MBD5: variants seen among roughly 807,000 people sequenced by gnomAD.
MBD5 encodes the protein methyl-CpG binding domain protein 5, also known as methyl-CpG-binding domain protein 5.
In MBD5, 13 loss-of-function variants were observed where a neutral mutation model predicts 117.3. The ratio of observed to expected loss-of-function variants is 0.11; its 90% CI spans 0.07 to 0.18. MBD5 has a LOEUF of 0.18. Among genes scored for constraint, MBD5 ranks in the 10% least tolerant of loss-of-function variants. The pLI, the probability that MBD5 is intolerant of heterozygous loss-of-function variation, is 1.00. For missense variants in MBD5, 1,879 were observed against 2,093.8 expected, an observed-to-expected ratio of 0.90 and a Z score of 2.00; for synonymous variants, 727 against 766.4, an observed-to-expected ratio of 0.95 and a Z score of 0.85.
At chr2:148,318,633 T>G (rs1702211567) in intron 3 of MBD5, among the ~76,000 whole-genome samples, 1 of 152,196 alleles carries the variant, frequency 6.6e-6, no homozygotes, top group Non-Finnish European at 1.5e-5. Flanking sequence ...TTAATTTTTG[T>G]ATATGGTGAT....
chr2:148,341,261 T>C (rs1220490217), intron 3 of MBD5, among the ~76,000 whole-genome samples: 1 of 152,038 alleles, frequency 6.6e-6, no homozygotes, highest in Admixed American at 6.6e-5. Flanking sequence ...GTGTTTTGTA[T>C]GTGTGTGCAT....
intron 7 of MBD5, among the ~76,000 whole-genome samples, chr2:148,465,005 A>G (rs1707215997): frequency 6.6e-6 from 1 of 151,962 alleles, no homozygotes; most frequent in Non-Finnish European, 1.5e-5. Context: ...CTTTTTAAAG[A>G]TTCACATTGC....
chr2:148,372,994 C>A (rs1322832683), intron 4 of MBD5, among the ~76,000 whole-genome samples: 2 of 151,998 alleles, frequency 1.3e-5, no homozygotes, highest in African/African-American at 4.8e-5. Flanking sequence ...ATAATAAAGA[C>A]CTACATCTTT....
intron 10 of MBD5, among the ~76,000 whole-genome samples, 183 bp from the exon 11 acceptor site, chr2:148,489,203 A>T (rs544659064): frequency 6.6e-5 from 10 of 152,368 alleles, no homozygotes; most frequent in Admixed American, 2.0e-4. Flanking sequence ...TGCAAATATA[A>T]TCAAGACATA....
rs576623082 is a variant in MBD5, at chr2:148,225,503, A to C, written c.-830-7742A>C. Among the ~76,000 whole-genome samples, 4 of 152,142 alleles carry C rather than the reference A, an allele frequency of 2.6e-5. 1 individual carries two copies. The South Asian group carries it at 8.3e-4, about 31-fold the overall frequency. On this transcript the variant is annotated intron_variant, in intron 2 of 13. Transcript: ENST00000642680. Reference sequence around the variant, plus strand: ...TAGGAGTAGTCTACACACCACAGTTACAGTGTTATAATATTCTGTGTTTTC... The same window carrying C: ...TAGGAGTAGTCTACACACCACAGTTCCAGTGTTATAATATTCTGTGTTTTC...
intron 4 of MBD5, among the ~76,000 whole-genome samples, chr2:148,398,724 G>A (rs1472225785): frequency 6.6e-6 from 1 of 152,140 alleles, no homozygotes; most frequent in Non-Finnish European, 1.5e-5. Context: ...GGAAGTCCTT[G>A]CCCATGTCTA....
chr2:148,029,518 T>G (rs1693981071), intron 1 of MBD5, among the ~76,000 whole-genome samples: 1 of 152,216 alleles, frequency 6.6e-6, no homozygotes, highest in Non-Finnish European at 1.5e-5. Context: ...GATTCTAATT[T>G]AACATATCGC....
chr2:148,238,059 T>G (rs776824272), intron 3 of MBD5, among the ~76,000 whole-genome samples: 1 of 152,192 alleles, frequency 6.6e-6, no homozygotes, highest in South Asian at 2.1e-4. Context: ...GTTATCCCAC[T>G]CTGCAAAATA....
intron 1 of MBD5, among the ~76,000 whole-genome samples, chr2:148,057,258 C>T (rs895031002): frequency 3.2e-4 from 48 of 151,658 alleles, no homozygotes; most frequent in Non-Finnish European, 4.7e-4. Flanking sequence ...TTGCTTTATT[C>T]ATTATGTATT....
At chr2:148,142,853 T>G (rs1462818808) in intron 1 of MBD5, among the ~76,000 whole-genome samples, 1 of 152,138 alleles carries the variant, frequency 6.6e-6, no homozygotes, top group Non-Finnish European at 1.5e-5. Flanking sequence ...TTGTACTAAG[T>G]ACATATAAAA....
rs568810319 is a variant in MBD5, at chr2:148,021,194, T to A, written c.-1415T>A. 4.5e-6 allele frequency: 1 copy of A among 223,286 alleles called. No homozygotes were observed. Among genetic ancestry groups the A allele is most frequent in the East Asian group, 1.3e-4 (1 of 7,586 alleles). The allele number at this position is 223,286 out of a possible 1,614,324, so 13.8% of individuals were successfully genotyped here. ...TATTTTTAAAGGGACAGGACACTAA[T>A]TCTACCCCACTTCAACCTTGAATTC... On this transcript the variant is annotated 5_prime_UTR_variant, in exon 1 of 14. Coordinates refer to ENST00000642680, the MANE Select transcript of MBD5 (RefSeq NM_001378120.1).
chr2:148,274,209 C>T (rs186483776), intron 3 of MBD5, among the ~76,000 whole-genome samples: 422 of 152,142 alleles, frequency 2.8e-3, no homozygotes, highest in Non-Finnish European at 3.1e-3. Flanking sequence ...TCCTCACCCC[C>T]GACACCACCA....
intron 3 of MBD5, among the ~76,000 whole-genome samples, chr2:148,310,274 C>T (rs1701997737): frequency 6.6e-6 from 1 of 152,024 alleles, no homozygotes; most frequent in Non-Finnish European, 1.5e-5. Context: ...CCATCTGTTC[C>T]TGGGGTTTTT....
chr2:148,384,650 C>CCAAGT (rs1459171320), intron 4 of MBD5, among the ~76,000 whole-genome samples: 3 of 151,966 alleles, frequency 2.0e-5, no homozygotes, highest in African/African-American at 7.3e-5. Context: ...GTCCACATTG[C>CCAAGT]CAAGTCAATC....
chr2:148,088,193 C>G (rs866952236), intron 1 of MBD5, among the ~76,000 whole-genome samples: 5 of 151,856 alleles, frequency 3.3e-5, no homozygotes, highest in Admixed American at 6.6e-5. Flanking sequence ...CATAAATCCT[C>G]CAAGAAATTT....
chr2:148,260,698 G>T, intron 3 of MBD5: 2 of 204,700 alleles, frequency 9.8e-6, no homozygotes, highest in Admixed American at 8.9e-5. Flanking sequence ...GCTCTACCCA[G>T]GTCAGAGATA....
intron 1 of MBD5, among the ~76,000 whole-genome samples, chr2:148,148,177 T>A (rs1697519132): frequency 6.6e-6 from 1 of 152,166 alleles, no homozygotes; most frequent in South Asian, 2.1e-4. Context: ...AGTGAAGCCA[T>A]GTCCTGAAAA....
In MBD5 at chr2:148,208,402, C is replaced by G. The variant is rs149942804; in HGVS notation, c.-830-24843C>G. Among the ~76,000 whole-genome samples the G allele has an allele frequency of 2.7e-3, 405 of 152,086 alleles. 1 individual carries two copies. The highest frequency in any genetic ancestry group is 9.2e-3 in the African/African-American group (382 of 41,500). ...CCAAGTAGCTGGGACTACAAGCATG[C>G]GCTCCAATGCCAGGCCAATTTTATT... On this transcript the variant is annotated intron_variant, in intron 2 of 13. Transcript: ENST00000642680.
intron 2 of MBD5, among the ~76,000 whole-genome samples, chr2:148,212,653 TA>T (rs1699455116): frequency 6.6e-6 from 1 of 152,188 alleles, no homozygotes; most frequent in African/African-American, 2.4e-5. Flanking sequence ...TTCAAAACTC[TA>T]AAAAATTCTT....
Sources: allele counts gnomAD v4.1 joint callset (sites outside exome capture counted in the v4.1 genomes callset), GRCh38; gene constraint gnomAD v4.1.1; transcripts MANE v1.5; gene names NCBI Gene and HGNC (gene_info 2026-07-23, HGNC 2026-07-21).